Variants in PPP2R5A observed in about 807,000 individuals in gnomAD.
The protein encoded by PPP2R5A is serine/threonine-protein phosphatase 2A 56 kDa regulatory subunit alpha isoform.
PPP2R5A carries 25 observed loss-of-function variants against 64.2 expected under a neutral mutation model. The ratio of observed to expected loss-of-function variants is 0.39; its 90% CI spans 0.28 to 0.54. The LOEUF (loss-of-function observed/expected upper bound fraction) is 0.54, where lower values mean the gene tolerates loss of function less well. PPP2R5A is among the 20% of genes least tolerant of loss of function. The probability of loss-of-function intolerance (pLI) is 0.67; values close to 1 mark genes in which losing one functional copy is unlikely to be tolerated. For missense variants in PPP2R5A, 425 were observed against 576.3 expected (o/e 0.74, Z 2.69); for synonymous variants, 198 against 201.2 (o/e 0.98, Z 0.13).
intron 1 of PPP2R5A, among the ~76,000 whole-genome samples, chr1:212,322,921 G>T (rs1404645438): frequency 6.6e-6 from 1 of 152,116 alleles, no homozygotes; most frequent in Non-Finnish European, 1.5e-5. Context: ...GAGTAGCTGG[G>T]ACTGCAGGTG....
intron 1 of PPP2R5A, among the ~76,000 whole-genome samples, chr1:212,308,673 T>G (rs888630767): frequency 1.2e-4 from 18 of 152,166 alleles, no homozygotes; most frequent in African/African-American, 3.9e-4. Flanking sequence ...CCTCCCAAAG[T>G]GCTGGGATTA....
At chr1:212,337,186 TTTAAA>T (rs1415841007) in intron 3 of PPP2R5A, among the ~76,000 whole-genome samples, 2 of 152,174 alleles carry the variant, frequency 1.3e-5, no homozygotes, top group African/African-American at 2.4e-5. Flanking sequence ...GTACAACAGT[TTTAAA>T]TTATTTTCTC....
rs1453540673 is a variant in PPP2R5A at position 212,299,232 on chromosome 1, A to C, written c.181+12941A>C. 2 of 141,064 alleles carry C rather than the reference A, an allele frequency of 1.4e-5. 1 individual carries two copies. Among genetic ancestry groups the C allele is most frequent in the Non-Finnish European group, 3.1e-5 (2 of 65,496 alleles). 8.7% of individuals were successfully genotyped at this position (141,064 alleles called of 1,614,324 possible). On this transcript the variant is annotated intron_variant, in intron 1 of 12. Transcript: ENST00000261461. ...TGGCTGCCGGGCGGAGACGCTCCTC[A>C]CTTCCCAGACGGGGTGGTTGCCAGA...
intron 1 of PPP2R5A, chr1:212,302,207 A>C: frequency 1.1e-6 from 1 of 946,860 alleles, no homozygotes; most frequent in Non-Finnish European, 1.5e-6. Flanking sequence ...GCAAAACCAC[A>C]TTACAGGGGA....
intron 1 of PPP2R5A, among the ~76,000 whole-genome samples, chr1:212,309,876 C>G (rs1448587854): frequency 6.6e-6 from 1 of 151,998 alleles, no homozygotes; most frequent in Non-Finnish European, 1.5e-5. Context: ...CACAGATAAG[C>G]AAAAAAGTCC....
rs114039639 is a variant in PPP2R5A at position 212,309,749 on chromosome 1, C to T, written c.182-19386C>T. The stretch of plus-strand genomic sequence containing the variant: ...ACAGGTATCCAACCTTTTGGCTTCC[C>T]TGGGCCACATTGGAAGAATTGTCTT... On this transcript the variant is annotated intron_variant, in intron 1 of 12. Transcript: ENST00000261461. 4.9e-3 allele frequency among the ~76,000 whole-genome samples: 739 copies of T among 152,132 alleles called. 8 individuals are homozygous for T. The highest frequency in any genetic ancestry group is 0.017 in the Middle Eastern group (5 of 294).
chr1:212,360,674 G>GA lies in PPP2R5A; in HGVS notation c.1371dup (p.Leu458IlefsTer15). ...AGGAATTGGAACGTGAAGAATTATGGAAAAAATTAGAGGAGCTAAAGCTAA... is the reference window on the plus strand; with the variant it reads ...AGGAATTGGAACGTGAAGAATTATGGAAAAAAATTAGAGGAGCTAAAGCTAA... On this transcript the variant is annotated frameshift_variant, in exon 13 of 13. Coordinates refer to ENST00000261461, the MANE Select transcript of PPP2R5A (RefSeq NM_006243.4). LOFTEE classifies it high-confidence loss of function. 4 of 1,587,090 alleles carry GA rather than the reference G, an allele frequency of 2.5e-6. No individual in the cohort carries two copies. The highest frequency in any genetic ancestry group is 3.4e-6 in the Non-Finnish European group (4 of 1,167,888).
At position 212,333,488 on chromosome 1, in the gene PPP2R5A, T is replaced by C. The variant is rs1659542562; in HGVS notation, c.379-9T>C. The C allele has an allele frequency of 6.8e-6, 10 of 1,476,880 alleles. No homozygotes were observed. Among genetic ancestry groups the C allele is most frequent in the Non-Finnish European group, 9.1e-6 (10 of 1,094,734 alleles). 91.5% of individuals were successfully genotyped at this position (1,476,880 alleles called of 1,614,324 possible). A position where few individuals can be genotyped will look rare whatever the true frequency, so the allele number is the denominator to read the frequency against. On this transcript the variant is annotated splice_polypyrimidine_tract_variant and intron_variant, in intron 2 of 12. Coordinates refer to ENST00000261461, the MANE Select transcript of PPP2R5A (RefSeq NM_006243.4). ...CAACAACGAACGTAAAATTATTTTT[T>C]CTTTACAGATCAGTGCTAACATCTT... is the stretch of plus-strand genomic sequence containing the variant.
intron 1 of PPP2R5A, among the ~76,000 whole-genome samples, chr1:212,320,709 A>C (rs1571590736): frequency 1.0e-5 from 1 of 96,002 alleles, no homozygotes; most frequent in South Asian, 3.6e-4. Context: ...TCCCTCCCGG[A>C]TGGGGCGGCT....
intron 1 of PPP2R5A, among the ~76,000 whole-genome samples, chr1:212,315,780 G>A (rs1659139180): frequency 6.6e-6 from 1 of 152,006 alleles, no homozygotes. Flanking sequence ...ACAAATGGAA[G>A]GTTTTTGGCA....
At chr1:212,343,114 A>ATT (rs56845610) in intron 4 of PPP2R5A, among the ~76,000 whole-genome samples, 4 of 149,250 alleles carry the variant, frequency 2.7e-5, no homozygotes, top group South Asian at 2.1e-4. Context: ...TGCCCGGCTG[A>ATT]TTTTTTTTTT....
chr1:212,297,272 A>AT (rs1243302636), intron 1 of PPP2R5A, among the ~76,000 whole-genome samples: 3 of 149,896 alleles, frequency 2.0e-5, no homozygotes, highest in Non-Finnish European at 3.0e-5. Flanking sequence ...TACCTGGCTA[A>AT]TTTTTTTTAT....
intron 1 of PPP2R5A, among the ~76,000 whole-genome samples, chr1:212,294,578 C>T (rs534326595): frequency 5.8e-4 from 89 of 152,268 alleles, no homozygotes; most frequent in Non-Finnish European, 1.0e-3. Flanking sequence ...GTACAGAAAT[C>T]TTTTCCTTTC....
At position 212,356,499 on chromosome 1, in the gene PPP2R5A, A is replaced by G. The variant is rs1022189264; in HGVS notation, c.928-127A>G. 5 of 828,768 alleles carry G rather than the reference A, an allele frequency of 6.0e-6. No individual in the cohort carries two copies. The African/African-American group carries it at 8.7e-5, about 14-fold the overall frequency. The allele number at this position is 828,768 out of a possible 1,614,324, so 51.3% of individuals were successfully genotyped here. ...CTAAAGCTGAGCAGAAAGTCTATTT[A>G]TACACATATATTAAGCAATATTGAT... is the stretch of plus-strand genomic sequence containing the variant. On this transcript the variant is annotated intron_variant, in intron 8 of 12. Coordinates refer to ENST00000261461, the MANE Select transcript of PPP2R5A (RefSeq NM_006243.4).
At chr1:212,321,476 T>C (rs1659291500) in intron 1 of PPP2R5A, among the ~76,000 whole-genome samples, 2 of 135,816 alleles carry the variant, frequency 1.5e-5, no homozygotes, top group African/African-American at 6.0e-5. Flanking sequence ...TCAGACGGTG[T>C]GGCTGCCGGG....
chr1:212,322,250 A>AGAGGAAGAGGGAGAG (rs1558147130), intron 1 of PPP2R5A, among the ~76,000 whole-genome samples: 1 of 107,660 alleles, frequency 9.3e-6, no homozygotes. Flanking sequence ...GAGAGGAGGG[A>AGAGGAAGAGGGAGAG]GAGGGAGAGG....
At position 212,309,486 on chromosome 1, in the gene PPP2R5A, G is replaced by C. The variant is rs387732; in HGVS notation, c.182-19649G>C. 1.1e-4 allele frequency: 87 copies of C among 794,756 alleles called. 1 individual carries two copies. The highest frequency in any genetic ancestry group is 1.0e-3 in the South Asian group (74 of 74,338). 49.2% of individuals were successfully genotyped at this position (794,756 alleles called of 1,614,324 possible). On this transcript the variant is annotated intron_variant, in intron 1 of 12. Coordinates refer to ENST00000261461, the MANE Select transcript of PPP2R5A (RefSeq NM_006243.4). ...TCGCTTTGTCTTCGGCTTTAGAAGG[G>C]GCAGGAGCTTCCTTCTTCGCTTTCG... is the stretch of plus-strand genomic sequence containing the variant.
At chr1:212,345,998 T>C in intron 5 of PPP2R5A, 65 bp downstream of exon 5, 1 of 1,452,136 alleles carries the variant, frequency 6.9e-7, no homozygotes, top group South Asian at 1.3e-5. Flanking sequence ...ATTCAAGTTC[T>C]TTTATTTTTA....
intron 3 of PPP2R5A, among the ~76,000 whole-genome samples, chr1:212,340,512 T>C (rs779240269): frequency 6.6e-6 from 1 of 152,250 alleles, no homozygotes; most frequent in Non-Finnish European, 1.5e-5. Context: ...GTGCTGACTT[T>C]TCAGAGCGCT....
Sources: gnomAD v4.1 joint callset for allele counts (sites outside exome capture counted in the v4.1 genomes callset) on GRCh38, gnomAD v4.1.1 for gene constraint, MANE v1.5 for transcripts, NCBI Gene and HGNC (gene_info 2026-07-23, HGNC 2026-07-21) for gene names.